Variants in CCDC146 observed in about 807,000 individuals in gnomAD.
CCDC146 encodes coiled-coil domain containing 146.
Under a neutral mutation model 119.3 loss-of-function variants are expected in CCDC146, and 92 were observed. That is an observed-to-expected ratio of 0.77 (90% CI 0.65 to 0.92). The LOEUF (loss-of-function observed/expected upper bound fraction) is 0.92, where lower values mean the gene tolerates loss of function less well. CCDC146 is among the 40% of genes least tolerant of loss of function. CCDC146 has a pLI of 0.00. For synonymous variants in CCDC146, 372 were observed against 371.8 expected (o/e 1.00, Z -0.01); for missense variants, 1,000 against 1,103.0 (o/e 0.91, Z 1.32).
chr7:77,236,982 G>C lies in CCDC146; in HGVS notation c.192G>C (p.Met64Ile), dbSNP rs1376565003. Residue 64 changes from methionine to isoleucine, a missense_variant, in exon 3 of 19, where the codon ATG becomes ATC. Coordinates refer to ENST00000285871, the MANE Select transcript of CCDC146 (RefSeq NM_020879.3). ...HAMGKLPGTR[M>I]AALKAKYTLL... is the part of the protein sequence containing the mutation. ...TGGGAAAACTTCCTGGAACCAGAAT[G>C]GCAGCGTTAAAAGCCAAGTATACCT... 6.2e-7 allele frequency: 1 copy of C among 1,614,100 alleles called. No homozygotes were observed. The highest frequency in any genetic ancestry group is 1.1e-5 in the South Asian group (1 of 91,080).
chr7:77,206,458 T>C (rs1336768245), intron 2 of CCDC146, among the ~76,000 whole-genome samples: 1 of 151,916 alleles, frequency 6.6e-6, no homozygotes, highest in African/African-American at 2.4e-5. Flanking sequence ...CTACTAAAAA[T>C]ACAAAAATTA....
At chr7:77,233,554 A>G (rs1473891439) in intron 2 of CCDC146, among the ~76,000 whole-genome samples, 1 of 152,182 alleles carries the variant, frequency 6.6e-6, no homozygotes, top group Non-Finnish European at 1.5e-5. Flanking sequence ...GTTTCGTGGA[A>G]GACAATTTTT....
chr7:77,256,248 G>A (rs1244118619), intron 5 of CCDC146, 85 bp from the exon 6 acceptor site: 4 of 887,448 alleles, frequency 4.5e-6, no homozygotes, highest in Non-Finnish European at 6.8e-6. Context: ...TCAAAATGGT[G>A]GGTGAAATTA....
chr7:77,142,475 C>T (rs13231716), intron 1 of CCDC146, among the ~76,000 whole-genome samples: 29,098 of 151,602 alleles, frequency 0.19, 3,147 homozygotes, highest in Non-Finnish European at 0.21. Context: ...AGGTTTGTTA[C>T]ATCTGTATAC....
chr7:77,167,574 GTTTATTTTTATTATTTTC>G, intron 1 of CCDC146, 66 bp from the exon 2 acceptor site: 1 of 1,053,286 alleles, frequency 9.5e-7, no homozygotes, highest in Non-Finnish European at 1.3e-6. Flanking sequence ...CCAGTTTTTT[GTTTATTTTTATTATTTTC>G]CATTAATTTT....
intron 1 of CCDC146, among the ~76,000 whole-genome samples, chr7:77,147,660 T>C (rs1791042150): frequency 6.6e-6 from 1 of 152,154 alleles, no homozygotes. Context: ...TCTGTTGGAG[T>C]TTGCTGGAGG....
intron 2 of CCDC146, among the ~76,000 whole-genome samples, chr7:77,174,363 G>C (rs1791471077): frequency 6.6e-6 from 1 of 152,172 alleles, no homozygotes; most frequent in Non-Finnish European, 1.5e-5. Context: ...TTTTATTGAA[G>C]TGGCAGTGAA....
intron 17 of CCDC146, among the ~76,000 whole-genome samples, chr7:77,292,429 C>A (rs1484566594): frequency 1.3e-5 from 2 of 150,334 alleles, no homozygotes; most frequent in African/African-American, 4.9e-5. Context: ...TCCTGGCTAA[C>A]ACGGTGAAAC....
chr7:77,165,257 G>A (rs892455613), intron 1 of CCDC146, among the ~76,000 whole-genome samples: 6 of 151,962 alleles, frequency 3.9e-5, no homozygotes, highest in Non-Finnish European at 8.8e-5. Flanking sequence ...TATGACCTAC[G>A]CAGTCACACA....
At chr7:77,266,417 T>C (rs1793403244) in intron 9 of CCDC146, among the ~76,000 whole-genome samples, 1 of 152,212 alleles carries the variant, frequency 6.6e-6, no homozygotes, top group Non-Finnish European at 1.5e-5. Context: ...GTTCAGATTC[T>C]AGATCCATTG....
intron 1 of CCDC146, among the ~76,000 whole-genome samples, chr7:77,147,127 C>T (rs1369262639): frequency 6.6e-6 from 1 of 152,144 alleles, no homozygotes; most frequent in African/African-American, 2.4e-5. Context: ...TCTTTTTTCT[C>T]TAAACTTCTG....
intron 1 of CCDC146, among the ~76,000 whole-genome samples, chr7:77,166,974 T>C (rs1791346516): frequency 6.6e-6 from 1 of 152,226 alleles, no homozygotes; most frequent in African/African-American, 2.4e-5. Context: ...TTATTGTTAC[T>C]GCATTGATTT....
At position 77,184,534 on chromosome 7, in the gene CCDC146, T is replaced by TTC. The variant is rs1012930031; in HGVS notation, c.156+16712_156+16713dup. On this transcript the variant is annotated intron_variant, in intron 2 of 18. Transcript: ENST00000285871. Reference sequence around the variant, plus strand: ...ACACAATTTACTTGTAAATGACACATTCTGAAAGAATTATTTTATCTAACA... The same window carrying TTC: ...ACACAATTTACTTGTAAATGACACATTCTCTGAAAGAATTATTTTATCTAACA... 5.0e-4 allele frequency among the ~76,000 whole-genome samples: 76 copies of TTC among 152,350 alleles called. 1 individual carries two copies. The highest frequency in any genetic ancestry group is 3.8e-4 in the African/African-American group (16 of 41,584).
intron 1 of CCDC146, among the ~76,000 whole-genome samples, chr7:77,133,841 A>ACACACACACT (rs753291210): frequency 0.14 from 21,098 of 150,256 alleles, 2,030 homozygotes; most frequent in Non-Finnish European, 0.2. Context: ...ACACACACAC[A>ACACACACACT]CACACACACA....
At chr7:77,146,833 GC>G (rs1178235700) in intron 1 of CCDC146, among the ~76,000 whole-genome samples, 4 of 152,116 alleles carry the variant, frequency 2.6e-5, no homozygotes, top group Non-Finnish European at 5.9e-5. Context: ...CTCTCTGGCT[GC>G]CCTTAACATT....
rs1793039547 is a variant in CCDC146, at chr7:77,250,675, A to G, written c.450-3831A>G. On this transcript the variant is annotated intron_variant, in intron 4 of 18. Coordinates refer to ENST00000285871, the MANE Select transcript of CCDC146 (RefSeq NM_020879.3). ...TTTGAGCTTCCTCGATCTGTAGTTT[A>G]TTTTCCTGCATTAATTTGAAGGAAA... Among the ~76,000 whole-genome samples the G allele has an allele frequency of 2.6e-5, 4 of 151,980 alleles. No homozygotes were observed. The South Asian group carries it at 8.3e-4, about 31-fold the overall frequency.
chr7:77,196,546 G>A lies in CCDC146; in HGVS notation c.156+28722G>A, dbSNP rs147938006. 2.3e-5 allele frequency: 37 copies of A among 1,613,988 alleles called. No homozygotes were observed. The highest frequency in any genetic ancestry group is 4.0e-5 in the African/African-American group (3 of 74,926). On this transcript the variant is annotated intron_variant, in intron 2 of 18. Transcript: ENST00000285871. This position sits in a 1 kb window ranked among gnomAD's most constrained non-coding sequence, Gnocchi z 4.2. Reference sequence around the variant, plus strand: ...CTGGAGTGGTGAAAAACTTCAGATCGTGGTTGTAATGTTTGTTGAAACGTA... The same window carrying A: ...CTGGAGTGGTGAAAAACTTCAGATCATGGTTGTAATGTTTGTTGAAACGTA...
chr7:77,232,393 T>A (rs997368570), intron 2 of CCDC146, among the ~76,000 whole-genome samples: 4 of 152,332 alleles, frequency 2.6e-5, no homozygotes, highest in South Asian at 2.1e-4. Context: ...CAAGTGTGAA[T>A]TTTTTTACTG....
intron 1 of CCDC146, among the ~76,000 whole-genome samples, chr7:77,123,269 C>T (rs575384602): frequency 1.3e-5 from 2 of 150,518 alleles, no homozygotes; most frequent in Non-Finnish European, 3.0e-5. Flanking sequence ...AAAAGAGAGT[C>T]ACCATGGTGC....
Sources: gnomAD v4.1 joint callset for allele counts (sites outside exome capture counted in the v4.1 genomes callset) on GRCh38, gnomAD v4.1.1 for gene constraint, Gnocchi (gnomAD v3.1) non-coding constraint, MANE v1.5 for transcripts, NCBI Gene and HGNC (gene_info 2026-07-23, HGNC 2026-07-21) for gene names.